The following SLC17A1 variants were observed in gnomAD, a reference collection of about 807,000 sequenced individuals.
The protein encoded by SLC17A1 is sodium-dependent phosphate transport protein 1.
SLC17A1 carries 51 observed loss-of-function variants against 53.5 expected under a neutral mutation model. The observed-to-expected ratio is 0.95, with a 90% CI of 0.76 to 1.20. SLC17A1 has a LOEUF of 1.20. Among genes scored for constraint, SLC17A1 ranks in the 50% most tolerant of loss-of-function variants. The probability of loss-of-function intolerance (pLI) is 0.00; values close to 1 mark genes in which losing one functional copy is unlikely to be tolerated. For synonymous variants in SLC17A1, 179 were observed against 198.8 expected, an observed-to-expected ratio of 0.90 and a Z score of 0.84; for missense variants, 538 against 568.2, an observed-to-expected ratio of 0.95 and a Z score of 0.54.
At chr6:25,766,470 CA>C in the SLC17A1 span, among the ~76,000 whole-genome samples, 1 of 151,970 alleles carries the variant, frequency 6.6e-6, no homozygotes, top group African/African-American at 2.4e-5. Context: ...TGACTTCTTC[CA>C]GAGTACATTT....
At chr6:25,825,727 A>G (rs1764717526) in intron 3 of SLC17A1, among the ~76,000 whole-genome samples, 1 of 151,934 alleles carries the variant, frequency 6.6e-6, no homozygotes, top group Non-Finnish European at 1.5e-5. Context: ...CCAATTTTTG[A>G]AAAAAATATT....
intron 2 of SLC17A1, among the ~76,000 whole-genome samples, chr6:25,828,946 A>C (rs1248697328): frequency 1.3e-5 from 2 of 152,212 alleles, no homozygotes; most frequent in Non-Finnish European, 2.9e-5. Flanking sequence ...ATTAGTACCC[A>C]ACAAATAGTT....
chr6:25,724,635 AAAGTC>A, the SLC17A1 span, among the ~76,000 whole-genome samples: 1 of 152,220 alleles, frequency 6.6e-6, no homozygotes, highest in East Asian at 1.9e-4. Context: ...TCTCTTCTAT[AAAGTC>A]AAGTCCCTCC....
chr6:25,773,406 A>G, the SLC17A1 span: 4 of 1,612,948 alleles, frequency 2.5e-6, no homozygotes, highest in African/African-American at 1.3e-5. Context: ...ACATTGAGGA[A>G]CTCCTCTGAC....
At position 25,826,559 on chromosome 6, in the gene SLC17A1, G is replaced by T; in HGVS notation, c.109C>A (p.Arg37Ser). Reference protein sequence around the residue: ...HCCNVIITAQRACLNLTMVVM... With the variant: ...HCCNVIITAQSACLNLTMVVM... The stretch of plus-strand genomic sequence containing the variant: ...ACCATTGTGAGGTTCAGGCACGCAC[G>T]CTGTGCTGTTATTATAACATTACAA... Residue 37 changes from arginine (R) to serine (S), a missense_variant, in exon 3 of 13, where the codon CGT (arginine) becomes AGT (serine). Transcript: ENST00000244527. The T allele has an allele frequency of 6.2e-7, 1 of 1,611,632 alleles. No individual in the cohort carries two copies. The highest frequency in any genetic ancestry group is 1.1e-5 in the South Asian group (1 of 90,858).
the SLC17A1 span, among the ~76,000 whole-genome samples, chr6:25,747,016 A>C: frequency 6.6e-6 from 1 of 152,234 alleles, no homozygotes; most frequent in African/African-American, 2.4e-5. Flanking sequence ...AGTATGCTAA[A>C]AAGTATCTTT....
At chr6:25,819,211 T>C (rs1764461475) in intron 5 of SLC17A1, 57 bp from the exon 6 acceptor site, 15 of 1,222,376 alleles carry the variant, frequency 1.2e-5, no homozygotes, top group Non-Finnish European at 1.7e-5. Context: ...AAAGCAGAGA[T>C]AATGTAGCCT....
chr6:25,786,004 CA>C (rs1298422950), intron 12 of SLC17A1, among the ~76,000 whole-genome samples: 1 of 152,172 alleles, frequency 6.6e-6, no homozygotes. Flanking sequence ...CATATCTTCA[CA>C]TAAAAACTTG....
the SLC17A1 span, among the ~76,000 whole-genome samples, chr6:25,761,048 G>A: frequency 6.6e-5 from 10 of 152,240 alleles, no homozygotes; most frequent in African/African-American, 2.2e-4. Context: ...GTAATTCTGT[G>A]TAATCTGTTT....
chr6:25,830,660 A>G, intron 1 of SLC17A1, 53 bp from the exon 2 acceptor site: 1 of 1,235,204 alleles, frequency 8.1e-7, no homozygotes, highest in Non-Finnish European at 1.2e-6. Flanking sequence ...GCAACTGACC[A>G]AACACTACCC....
the SLC17A1 span, chr6:25,770,928 T>C: frequency 1.2e-6 from 2 of 1,613,384 alleles, no homozygotes; most frequent in Non-Finnish European, 1.7e-6. Flanking sequence ...CTGTTCAGGG[T>C]CAATGCTGGG....
At chr6:25,778,007 C>G, downstream of SLC17A1, 1 of 1,610,470 alleles carries the variant, frequency 6.2e-7, no homozygotes, top group Non-Finnish European at 8.5e-7. Context: ...CTGGATTTTT[C>G]ATCAGTCAGG....
At chr6:25,782,027 T>C (rs113430003), downstream of SLC17A1, among the ~76,000 whole-genome samples, 6,842 of 152,274 alleles carry the variant, frequency 0.045, 462 homozygotes, top group African/African-American at 0.14. Flanking sequence ...TAATGGAAAG[T>C]TCCTGAGAAG....
At chr6:25,729,798 C>A in the SLC17A1 span, among the ~76,000 whole-genome samples, 1 of 151,064 alleles carries the variant, frequency 6.6e-6, no homozygotes, top group African/African-American at 2.4e-5. Context: ...CTATTGGTTT[C>A]TTGATAGATT....
the SLC17A1 span, among the ~76,000 whole-genome samples, chr6:25,742,525 A>C: frequency 6.6e-6 from 1 of 151,762 alleles, no homozygotes; most frequent in Admixed American, 6.6e-5. Flanking sequence ...AAAAAAAAAA[A>C]AACAGATGGG....
the SLC17A1 span, among the ~76,000 whole-genome samples, chr6:25,739,580 T>C: frequency 1.3e-5 from 2 of 152,196 alleles, no homozygotes; most frequent in South Asian, 4.1e-4. Flanking sequence ...CTGTGGTATA[T>C]TTATACCATG....
chr6:25,726,546 A>C, the SLC17A1 span: 477,696 of 1,593,674 alleles, frequency 0.3, 79,458 homozygotes, highest in East Asian at 0.71. Flanking sequence ...ATCAAATTGC[A>C]GCAACACGAG....
chr6:25,750,664 G>A, the SLC17A1 span, among the ~76,000 whole-genome samples: 5 of 133,186 alleles, frequency 3.8e-5, no homozygotes, highest in East Asian at 1.3e-3. Flanking sequence ...AGAGAGAAAG[G>A]AGGGAAGGAG....
At chr6:25,782,269 G>C (rs1581440846), downstream of SLC17A1, among the ~76,000 whole-genome samples, 1 of 152,134 alleles carries the variant, frequency 6.6e-6, no homozygotes, top group Non-Finnish European at 1.5e-5. Flanking sequence ...GAGGAGAGAG[G>C]CCCTGCAGGT....
Sources: allele counts gnomAD v4.1 joint callset (sites outside exome capture counted in the v4.1 genomes callset), GRCh38; gene constraint gnomAD v4.1.1; transcripts MANE v1.5; gene names NCBI Gene and HGNC (gene_info 2026-07-23, HGNC 2026-07-21).